The following TEAD2 variants were observed in gnomAD, a reference collection of about 807,000 sequenced individuals.
TEAD2 encodes the protein TEA domain transcription factor 2.
Under a neutral mutation model 61.4 loss-of-function variants are expected in TEAD2, and 51 were observed. The observed-to-expected ratio is 0.83, with a 90% CI of 0.66 to 1.05. The LOEUF is 1.05. TEAD2 is among the 50% of genes least tolerant of loss of function. TEAD2 has a pLI of 0.00. For missense variants in TEAD2, 509 were observed against 600.0 expected, an observed-to-expected ratio of 0.85 and a Z score of 1.58; for synonymous variants, 244 against 243.2, an observed-to-expected ratio of 1.00 and a Z score of -0.03.
chr19:49,361,089 A>G (rs111064775), intron 1 of TEAD2, among the ~76,000 whole-genome samples: 24,048 of 102,010 alleles, frequency 0.24, 3,402 homozygotes, highest in African/African-American at 0.28. Context: ...CAGAGACCCA[A>G]AAAGAGAGGG....
rs975688245 is a variant in TEAD2 at position 49,341,109 on chromosome 19, C to T, written c.*215G>A. The T allele has an allele frequency of 1.1e-5, 6 of 526,146 alleles. No homozygotes were observed. The highest frequency in any genetic ancestry group is 1.7e-5 in the Non-Finnish European group (5 of 291,458). 32.6% of individuals were successfully genotyped at this position (526,146 alleles called of 1,614,324 possible). A position where few individuals can be genotyped will look rare whatever the true frequency, so the allele number is the denominator to read the frequency against. On this transcript the variant is annotated 3_prime_UTR_variant, in exon 13 of 13. Transcript: ENST00000593945. This position sits in a 1 kb window ranked among gnomAD's most constrained non-coding sequence, Gnocchi z 4.2. ...GACACCCACTGTGAGGTCCCAATAT[C>T]GGGGTTTATCCTTTCCTCAGTCCCA...
rs763194507 is a variant in TEAD2, at chr19:49,347,221, G to A, written c.890C>T (p.Pro297Leu). ...GGLRELYDRG[P>L]PHAFFLVKFW... is the part of the protein sequence containing the mutation. ...CTTGACCAGGAAGAAGGCATGGGGG[G>A]GGCCACGATCATATAGCTCTCGGAG... is the stretch of plus-strand genomic sequence containing the variant. Residue 297 changes from proline (P) to leucine (L), a missense_variant, in exon 10 of 13, where the codon CCC becomes CTC. By Grantham distance (98) the Pro-to-Leu change is moderately conservative. Coordinates refer to ENST00000593945, the MANE Select transcript of TEAD2 (RefSeq NM_001256660.2). 1 of 1,613,906 alleles carries A rather than the reference G, an allele frequency of 6.2e-7. No homozygotes were observed. Among genetic ancestry groups the A allele is most frequent in the African/African-American group, 1.3e-5 (1 of 74,882 alleles).
Position 49,355,316 on chromosome 19 carries a change from G to A in TEAD2, c.476C>T (p.Pro159Leu), listed in dbSNP as rs201994719. Residue 159 changes from proline to leucine, a missense_variant, in exon 6 of 13, where the codon CCT becomes CTT. Physicochemically the swap from Pro to Leu is moderately conservative, Grantham distance 98. Coordinates refer to ENST00000593945, the MANE Select transcript of TEAD2 (RefSeq NM_001256660.2). ...SLQAKLGPTG[P>L]QASELFQFWS... ...ACAATCCCCAACCTGGACCACCTGA[G>A]GACCAGTGGGACCCAGTTTGGCCTG... The A allele has an allele frequency of 8.1e-6, 13 of 1,614,068 alleles. No individual in the cohort carries two copies. Among genetic ancestry groups the A allele is most frequent in the Admixed American group, 5.0e-5 (3 of 59,992 alleles).
chr19:49,359,887 G>T lies in TEAD2; in HGVS notation c.189C>A (p.Cys63Ter), dbSNP rs370029637. The change falls in exon 2 of 13, where the codon TGC becomes TGA. Residue 63 changes from cysteine (C) to a stop codon, truncating the protein, a stop_gained. Coordinates refer to ENST00000593945, the MANE Select transcript of TEAD2 (RefSeq NM_001256660.2). LOFTEE classifies it high-confidence loss of function. The surrounding 1 kb of genome is among the most constrained non-coding windows in gnomAD (Gnocchi z 4.1). ...FQEALAIYPP[C>*]GRRKIILSDE... The stretch of plus-strand genomic sequence containing the variant: ...CAGACAAAATTATTTTCCGGCGGCC[G>T]CAGGGTGGATAGATGGCCAGGGCCT... 1.4e-5 allele frequency: 22 copies of T among 1,613,508 alleles called. No homozygotes were observed. The highest frequency in any genetic ancestry group is 1.8e-5 in the Non-Finnish European group (21 of 1,180,036).
rs902444108 is a variant in TEAD2, at chr19:49,343,514, C to T, written c.922-116G>A. The T allele has an allele frequency of 1.8e-5, 22 of 1,208,954 alleles. No individual in the cohort carries two copies. In the African/African-American group the frequency reaches 2.5e-4, roughly 14 times the overall value. 74.9% of individuals were successfully genotyped at this position (1,208,954 alleles called of 1,614,324 possible). A position where few individuals can be genotyped will look rare whatever the true frequency, so the allele number is the denominator to read the frequency against. ...CAGTACTTTGGGAGGCCGAGGCGGG[C>T]GGATCACCTGAGGTTGGGAGTTCAA... On this transcript the variant is annotated intron_variant, in intron 10 of 12. Transcript: ENST00000593945.
At chr19:49,355,487 C>A in intron 5 of TEAD2, 68 bp from the exon 6 acceptor site, 1 of 1,383,400 alleles carries the variant, frequency 7.2e-7, no homozygotes. Context: ...GGGGATGGTG[C>A]CAGGGTGGGG....
intron 4 of TEAD2, among the ~76,000 whole-genome samples, chr19:49,356,502 A>T (rs1265131373): frequency 6.6e-6 from 1 of 152,116 alleles, no homozygotes; most frequent in Non-Finnish European, 1.5e-5. Context: ...GAACCAGGAA[A>T]TCCAAAGGAT....
At position 49,347,265 on chromosome 19, in the gene TEAD2, G is replaced by T. The variant is rs1971711395; in HGVS notation, c.846C>A (p.Phe282Leu). 6.2e-7 allele frequency: 1 copy of T among 1,614,112 alleles called. No individual in the cohort carries two copies. ...SVDVRQIYDK[F>L]PEKKGGLREL... ...CTCGGAGGCCACCCTTTTTCTCAGG[G>T]AATTTGTCGTAGATCTGCCGGACGT... The change falls in exon 10 of 13, where the codon TTC becomes TTA. Residue 282 changes from phenylalanine to leucine, a missense_variant. By Grantham distance (22) the Phe-to-Leu change is conservative. Coordinates refer to ENST00000593945, the MANE Select transcript of TEAD2 (RefSeq NM_001256660.2).
chr19:49,355,260 C>A, intron 6 of TEAD2, 52 bp downstream of exon 6: 1 of 1,613,060 alleles, frequency 6.2e-7, no homozygotes, highest in Non-Finnish European at 8.5e-7. Flanking sequence ...ACAGCTGCAG[C>A]CCCATCCATC....
Position 49,359,711 on chromosome 19 carries a change from A to T in TEAD2, c.232+133T>A. On this transcript the variant is annotated intron_variant, in intron 2 of 12. Transcript: ENST00000593945. The surrounding 1 kb of genome is among the most constrained non-coding windows in gnomAD (Gnocchi z 4.1). ...CTGTGCGACCATAAGCAAATCACTT[A>T]ACCTAGCTGTGCCTCAGTTTCCTCA... 9.2e-7 allele frequency: 1 copy of T among 1,083,902 alleles called. No individual in the cohort carries two copies. Among genetic ancestry groups the T allele is most frequent in the African/African-American group, 1.6e-5 (1 of 64,482 alleles). 67.1% of individuals were successfully genotyped at this position (1,083,902 alleles called of 1,614,324 possible). A position where few individuals can be genotyped will look rare whatever the true frequency, so the allele number is the denominator to read the frequency against.
chr19:49,341,196 GC>G lies in TEAD2; in HGVS notation c.*127del. ...TCTAATGGGGGGGATGGCCCCAGTT[GC>G]TTAGGCCTCTGAGGTCAACCCCTTT... is the stretch of plus-strand genomic sequence containing the variant. On this transcript the variant is annotated 3_prime_UTR_variant, in exon 13 of 13. Coordinates refer to ENST00000593945, the MANE Select transcript of TEAD2 (RefSeq NM_001256660.2). This position sits in a 1 kb window ranked among gnomAD's most constrained non-coding sequence, Gnocchi z 4.2. 3 of 799,656 alleles carry G rather than the reference GC, an allele frequency of 3.8e-6. No individual in the cohort carries two copies. The highest frequency in any genetic ancestry group is 3.7e-4 in the Middle Eastern group (1 of 2,716). 49.5% of individuals were successfully genotyped at this position (799,656 alleles called of 1,614,324 possible).
At chr19:49,354,241 C>T (rs1321543483) in intron 7 of TEAD2, among the ~76,000 whole-genome samples, 1 of 151,992 alleles carries the variant, frequency 6.6e-6, no homozygotes, top group African/African-American at 2.4e-5. Context: ...CGGTGGCTCA[C>T]GCCTGTAATC....
Position 49,359,565 on chromosome 19 carries a change from C to A in TEAD2, c.233-66G>T. 6.4e-7 allele frequency: 1 copy of A among 1,564,912 alleles called. No individual in the cohort carries two copies. Among genetic ancestry groups the A allele is most frequent in the Non-Finnish European group, 8.8e-7 (1 of 1,135,996 alleles). On this transcript the variant is annotated intron_variant, in intron 2 of 12. Transcript: ENST00000593945. The surrounding 1 kb of genome is among the most constrained non-coding windows in gnomAD (Gnocchi z 4.1). ...ACAGAACTTCCCCACAGCATGGACA[C>A]CAGGGAAGAAGAAAGCAGCATGGGT...
intron 4 of TEAD2, 45 bp downstream of exon 4, chr19:49,357,207 C>T (rs370308356): frequency 1.5e-4 from 240 of 1,567,220 alleles, no homozygotes; most frequent in Non-Finnish European, 5.8e-5. Context: ...GGTCCCCCAC[C>T]CCCAGTCTCT....
At chr19:49,351,545 A>G (rs918664368) in intron 7 of TEAD2, among the ~76,000 whole-genome samples, 180 bp from the exon 8 acceptor site, 6 of 152,166 alleles carry the variant, frequency 3.9e-5, no homozygotes, top group African/African-American at 1.4e-4. Flanking sequence ...AATGAGGACA[A>G]CTGAGGTATA....
chr19:49,348,443 C>T (rs551976746), intron 9 of TEAD2, among the ~76,000 whole-genome samples: 1 of 152,068 alleles, frequency 6.6e-6, no homozygotes, highest in African/African-American at 2.4e-5. Context: ...ACCCTATGAC[C>T]TTCCAGTTCC....
chr19:49,350,536 T>C (rs1281125880), intron 8 of TEAD2, among the ~76,000 whole-genome samples: 1 of 151,976 alleles, frequency 6.6e-6, no homozygotes, highest in Non-Finnish European at 1.5e-5. Flanking sequence ...GGTTTCGCCA[T>C]GTTGGCCAGG....
chr19:49,357,647 G>A (rs568908913), intron 3 of TEAD2: 26 of 397,202 alleles, frequency 6.5e-5, no homozygotes, highest in Non-Finnish European at 9.9e-5. Flanking sequence ...GATACAGTTC[G>A]GACATTCGTC....
At chr19:49,344,772 C>A (rs985861249) in intron 10 of TEAD2, among the ~76,000 whole-genome samples, 2 of 152,168 alleles carry the variant, frequency 1.3e-5, no homozygotes, top group African/African-American at 4.8e-5. Context: ...GGAGGCCTGA[C>A]TCCTCCTCAG....
Sources: gnomAD v4.1 joint callset for allele counts (sites outside exome capture counted in the v4.1 genomes callset) on GRCh38, gnomAD v4.1.1 for gene constraint, Gnocchi (gnomAD v3.1) non-coding constraint, MANE v1.5 for transcripts, NCBI Gene and HGNC (gene_info 2026-07-23, HGNC 2026-07-21) for gene names.